The following RSPO2 variants were observed in gnomAD, a reference collection of about 807,000 sequenced individuals.
RSPO2 encodes R-spondin-2.
A neutral mutation model predicts 30.9 loss-of-function variants in RSPO2; 14 were observed. That is an observed-to-expected ratio of 0.45 (90% CI 0.30 to 0.71). The LOEUF (loss-of-function observed/expected upper bound fraction) is 0.71, where lower values mean the gene tolerates loss of function less well. Ranked by LOEUF, RSPO2 falls within the 30% of genes least tolerant of loss-of-function variation. The pLI is 0.08. For missense variants in RSPO2, 264 were observed against 301.9 expected (o/e 0.87, Z 0.93); for synonymous variants, 107 against 96.4 (o/e 1.11, Z -0.64).
intron 5 of RSPO2, among the ~76,000 whole-genome samples, chr8:107,949,881 C>T (rs930458908): frequency 6.6e-6 from 1 of 152,122 alleles, no homozygotes; most frequent in African/African-American, 2.4e-5. Context: ...TTTTTAAAGT[C>T]CTGAATCAGT....
At chr8:107,983,818 A>G in intron 3 of RSPO2, 1 of 1,604,870 alleles carries the variant, frequency 6.2e-7, no homozygotes, top group Non-Finnish European at 8.5e-7. Flanking sequence ...CCACATTCAG[A>G]AACTGCTACA....
chr8:107,982,749 A>G (rs1814488873), intron 3 of RSPO2, among the ~76,000 whole-genome samples: 1 of 152,180 alleles, frequency 6.6e-6, no homozygotes, highest in South Asian at 2.1e-4. Context: ...TCTATTGTTT[A>G]AACAGTGCAA....
intron 5 of RSPO2, among the ~76,000 whole-genome samples, chr8:107,946,394 G>C (rs1278322957): frequency 6.6e-6 from 1 of 152,192 alleles, no homozygotes; most frequent in Non-Finnish European, 1.5e-5. Context: ...TTTGGAAAGG[G>C]GGGCTGTCCC....
intron 2 of RSPO2, among the ~76,000 whole-genome samples, chr8:108,062,213 T>C (rs10111183): frequency 0.43 from 65,015 of 151,334 alleles, 18,228 homozygotes; most frequent in African/African-American, 0.8. Context: ...GATAGAGACA[T>C]AAAAAACCCT....
intron 5 of RSPO2, among the ~76,000 whole-genome samples, chr8:107,924,860 C>A (rs1227533286): frequency 6.6e-6 from 1 of 151,174 alleles, no homozygotes; most frequent in Non-Finnish European, 1.5e-5. Flanking sequence ...AAAATAAGTT[C>A]TCAAGTAGAT....
chr8:108,079,448 A>G (rs1434972633), intron 2 of RSPO2, among the ~76,000 whole-genome samples: 2 of 152,190 alleles, frequency 1.3e-5, no homozygotes, highest in Non-Finnish European at 2.9e-5. Context: ...CGGTCAAAAT[A>G]CTATTTTCTC....
intron 5 of RSPO2, among the ~76,000 whole-genome samples, chr8:107,955,638 T>TA (rs11404577): frequency 0.49 from 74,064 of 151,620 alleles, 21,317 homozygotes; most frequent in East Asian, 0.69. Context: ...CACTGTTTTT[T>TA]AAAAAAAACT....
At chr8:107,921,346 C>G (rs924030272) in intron 5 of RSPO2, among the ~76,000 whole-genome samples, 2 of 151,746 alleles carry the variant, frequency 1.3e-5, no homozygotes, top group Admixed American at 1.3e-4. Flanking sequence ...AAAAAATTTA[C>G]TCTTCCATTG....
At chr8:107,950,943 A>G (rs1315578425) in intron 5 of RSPO2, among the ~76,000 whole-genome samples, 1 of 152,144 alleles carries the variant, frequency 6.6e-6, no homozygotes, top group Non-Finnish European at 1.5e-5. Context: ...GTAGCTAGAG[A>G]AGTATTACAG....
At chr8:107,958,751 T>C (rs1330363973) in intron 4 of RSPO2, among the ~76,000 whole-genome samples, 2 of 152,256 alleles carry the variant, frequency 1.3e-5, no homozygotes, top group East Asian at 1.9e-4. Context: ...CATGTGCCCA[T>C]GTGTTCCCAT....
chr8:107,915,387 G>T (rs980560870), intron 5 of RSPO2, among the ~76,000 whole-genome samples: 7 of 152,094 alleles, frequency 4.6e-5, no homozygotes, highest in African/African-American at 1.7e-4. Context: ...CTGTAGCACC[G>T]TGGTGGGGTG....
intron 2 of RSPO2, among the ~76,000 whole-genome samples, chr8:108,061,420 G>T (rs1812460027): frequency 6.6e-6 from 1 of 151,700 alleles, no homozygotes; most frequent in Admixed American, 6.6e-5. Flanking sequence ...AACCAACAAA[G>T]ATCAAAAGAG....
At chr8:107,959,153 G>A (rs996346207) in intron 4 of RSPO2, among the ~76,000 whole-genome samples, 2 of 152,190 alleles carry the variant, frequency 1.3e-5, no homozygotes, top group South Asian at 2.1e-4. Context: ...GAAGCACTTG[G>A]TGAAAAAGAT....
intron 3 of RSPO2, among the ~76,000 whole-genome samples, chr8:107,979,133 G>A (rs1232708390): frequency 3.3e-5 from 5 of 152,164 alleles, no homozygotes; most frequent in Non-Finnish European, 5.9e-5. Flanking sequence ...TGATTCCTCA[G>A]GGATCTAGAA....
In RSPO2 at chr8:107,958,246, C is replaced by T. The variant is rs1813493255; in HGVS notation, c.450G>A (p.Trp150Ter). Residue 150 changes from tryptophan to a stop codon, truncating the protein, a stop_gained, in exon 5 of 6, where the codon TGG becomes TGA. Transcript: ENST00000276659. LOFTEE classifies it high-confidence loss of function. ...TTCTGCTACAAGTTCCCCATTCGCT[C>T]CAATGACCAACTTCACATCCTTCTA... Reference protein sequence around the residue: ...ECVEGCEVGHWSEWGTCSRNN... With the variant: ...ECVEGCEVGH The T allele has an allele frequency of 6.2e-7, 1 of 1,613,326 alleles. No homozygotes were observed. The highest frequency in any genetic ancestry group is 8.5e-7 in the Non-Finnish European group (1 of 1,179,652).
chr8:107,922,100 G>T (rs542719970), intron 5 of RSPO2, among the ~76,000 whole-genome samples: 2 of 152,138 alleles, frequency 1.3e-5, no homozygotes, highest in South Asian at 4.1e-4. Flanking sequence ...GTCCTGGCCA[G>T]AACAACCAGG....
At chr8:107,986,082 TAAGG>T (rs1193768740) in intron 3 of RSPO2, among the ~76,000 whole-genome samples, 1 of 152,228 alleles carries the variant, frequency 6.6e-6, no homozygotes, top group Non-Finnish European at 1.5e-5. Context: ...GATAATCTTT[TAAGG>T]AAGAGAAAAG....
chr8:107,957,976 G>T, intron 5 of RSPO2, 104 bp downstream of exon 5: 4 of 775,276 alleles, frequency 5.2e-6, no homozygotes, highest in Non-Finnish European at 8.2e-6. Context: ...ATATTATTGG[G>T]TTTCCTTCAA....
At chr8:107,950,247 C>T (rs1174401675) in intron 5 of RSPO2, among the ~76,000 whole-genome samples, 1 of 152,092 alleles carries the variant, frequency 6.6e-6, no homozygotes, top group Non-Finnish European at 1.5e-5. Context: ...CAGATACATA[C>T]ATATGTGATT....
Sources: gnomAD v4.1 joint callset for allele counts (sites outside exome capture counted in the v4.1 genomes callset) on GRCh38, gnomAD v4.1.1 for gene constraint, MANE v1.5 for transcripts, NCBI Gene and HGNC (gene_info 2026-07-23, HGNC 2026-07-21) for gene names.